The following NID1 variants were observed in gnomAD, a reference collection of about 807,000 sequenced individuals.
NID1 encodes nidogen-1.
In NID1, 76 loss-of-function variants were observed where a neutral mutation model predicts 130.6. The ratio of observed to expected loss-of-function variants is 0.58; its 90% CI spans 0.48 to 0.70. The LOEUF (loss-of-function observed/expected upper bound fraction) is 0.70. Among genes scored for constraint, NID1 ranks in the 30% least tolerant of loss-of-function variants. The pLI is 0.00. For missense variants in NID1, 1,517 were observed against 1,664.8 expected (o/e 0.91, Z 1.54); for synonymous variants, 665 against 675.1 (o/e 0.98, Z 0.23).
At chr1:236,037,415 C>T (rs917818133) in intron 5 of NID1, among the ~76,000 whole-genome samples, 15 of 152,118 alleles carry the variant, frequency 9.9e-5, no homozygotes, top group South Asian at 2.1e-4. Context: ...CCCAACATTT[C>T]GGGAGGCCGA....
intron 10 of NID1, among the ~76,000 whole-genome samples, chr1:236,015,090 G>T (rs1309537975): frequency 6.6e-6 from 1 of 152,162 alleles, no homozygotes; most frequent in Admixed American, 6.5e-5. Context: ...GCCCCTCACA[G>T]TTGGCAGAGC....
chr1:236,013,661 A>C, intron 10 of NID1, 101 bp from the exon 11 acceptor site: 7 of 1,368,212 alleles, frequency 5.1e-6, no homozygotes, highest in Middle Eastern at 2.3e-4. Context: ...CCTGGACCCT[A>C]GACCTCTAGG....
rs922110272 is a variant in NID1 at position 236,008,744 on chromosome 1, G to A, written c.2527+3177C>T. 2.0e-5 allele frequency among the ~76,000 whole-genome samples: 3 copies of A among 150,508 alleles called. No homozygotes were observed. In the Admixed American group the frequency reaches 2.0e-4, roughly 10 times the overall value. The stretch of plus-strand genomic sequence containing the variant: ...TGCAACGGCGTGATCTCGGATCACC[G>A]CAACCTCTGCCCCCCAGGTTCAAGT... On this transcript the variant is annotated intron_variant, in intron 12 of 19. Coordinates refer to ENST00000264187, the MANE Select transcript of NID1 (RefSeq NM_002508.3).
At chr1:236,010,809 G>A (rs937736174) in intron 12 of NID1, among the ~76,000 whole-genome samples, 1 of 152,200 alleles carries the variant, frequency 6.6e-6, no homozygotes, top group Non-Finnish European at 1.5e-5. Context: ...TTAGACTAAC[G>A]ATATATGCTA....
intron 12 of NID1, among the ~76,000 whole-genome samples, chr1:236,004,936 G>A (rs534470225): frequency 4.5e-4 from 69 of 152,184 alleles, no homozygotes; most frequent in African/African-American, 1.5e-3. Flanking sequence ...AACACTTTGG[G>A]AGGCTGAGGT....
intron 7 of NID1, among the ~76,000 whole-genome samples, chr1:236,028,642 C>A (rs919286798): frequency 1.1e-4 from 17 of 151,316 alleles, no homozygotes; most frequent in Non-Finnish European, 8.8e-5. Context: ...GTTTAAAGAA[C>A]GATCTATCAT....
At chr1:236,026,824 C>T (rs546083555) in intron 7 of NID1, among the ~76,000 whole-genome samples, 3 of 151,798 alleles carry the variant, frequency 2.0e-5, no homozygotes, top group South Asian at 2.1e-4. Flanking sequence ...CTGCAACCTC[C>T]GCCCCCTGGG....
chr1:236,053,628 C>T (rs1214685343), intron 1 of NID1, among the ~76,000 whole-genome samples: 1 of 152,130 alleles, frequency 6.6e-6, no homozygotes, highest in African/African-American at 2.4e-5. Context: ...TTCTTCCTGC[C>T]TATTTGTAGG....
In NID1 at chr1:235,985,504, G is replaced by A. The variant is rs1657550141; in HGVS notation, c.2930C>T (p.Ala977Val). The change falls in exon 15 of 20, where the codon GCT becomes GTT. Residue 977 changes from alanine (A) to valine (V), a missense_variant and splice_region_variant. Transcript: ENST00000264187. ...AAAGGCCAGTCCAATGATGACTTTA[G>A]CCTGGATGTGAAGACCAGTGGTTAG... ...TEAKAFLHVPAKVIIGLAFDC... is the reference protein window; with the variant it reads ...TEAKAFLHVPVKVIIGLAFDC... 4 of 1,613,974 alleles carry A rather than the reference G, an allele frequency of 2.5e-6. No individual in the cohort carries two copies. The highest frequency in any genetic ancestry group is 1.7e-5 in the Admixed American group (1 of 60,000).
intron 12 of NID1, among the ~76,000 whole-genome samples, chr1:236,001,296 G>A (rs191556763): frequency 6.4e-4 from 98 of 152,098 alleles, no homozygotes; most frequent in Admixed American, 6.0e-3. Flanking sequence ...TAGTAGAGAC[G>A]GGGTTTCATG....
At chr1:235,991,115 G>T in intron 13 of NID1, 57 bp from the exon 14 acceptor site, 2 of 1,339,680 alleles carry the variant, frequency 1.5e-6, no homozygotes, top group African/African-American at 1.9e-5. Context: ...ACACACAGAT[G>T]CACACACACA....
At chr1:236,036,640 G>T (rs1032876351) in intron 5 of NID1, among the ~76,000 whole-genome samples, 1 of 152,226 alleles carries the variant, frequency 6.6e-6, no homozygotes. Context: ...TAGAAATGGG[G>T]CCTTTCTGAG....
At chr1:236,036,743 G>A (rs1659273450) in intron 5 of NID1, among the ~76,000 whole-genome samples, 2 of 152,190 alleles carry the variant, frequency 1.3e-5, no homozygotes, top group African/African-American at 2.4e-5. Context: ...GGGACTGATG[G>A]CTTTACAGGA....
intron 15 of NID1, among the ~76,000 whole-genome samples, chr1:235,984,390 C>A (rs1035394773): frequency 6.6e-6 from 1 of 152,144 alleles, no homozygotes; most frequent in East Asian, 1.9e-4. Context: ...ATCATCTTTA[C>A]TGAAGGCAAC....
chr1:235,978,101 A>G (rs1657323489), intron 19 of NID1, 113 bp from the exon 20 acceptor site: 2 of 1,304,472 alleles, frequency 1.5e-6, no homozygotes, highest in Non-Finnish European at 2.1e-6. Flanking sequence ...CCTTGAAGCC[A>G]TGCTAGGAAG....
chr1:235,985,532 T>A, intron 14 of NID1, 27 bp from the exon 15 acceptor site: 1 of 1,613,630 alleles, frequency 6.2e-7, no homozygotes, highest in African/African-American at 1.3e-5. Flanking sequence ...GTGGTTAGAA[T>A]GGTCCATCTA....
At chr1:236,023,921 G>A in intron 9 of NID1, 149 bp downstream of exon 9, 1 of 1,023,220 alleles carries the variant, frequency 9.8e-7, no homozygotes, top group South Asian at 1.6e-5. Context: ...CAGTGAATGT[G>A]AAGCATAAAT....
intron 12 of NID1, among the ~76,000 whole-genome samples, chr1:235,994,544 C>T (rs1047851258): frequency 6.6e-6 from 1 of 152,224 alleles, no homozygotes; most frequent in African/African-American, 2.4e-5. Context: ...TGTATTAGAA[C>T]CTGCTTCATA....
rs72765422 is a variant in NID1 at position 236,003,076 on chromosome 1, G to A, written c.2527+8845C>T. Among the ~76,000 whole-genome samples, 1,175 of 147,128 alleles carry A rather than the reference G, an allele frequency of 8.0e-3. 56 individuals carry two copies. Among genetic ancestry groups the A allele is most frequent in the Middle Eastern group, 0.021 (6 of 284 alleles). ...TCACTGGTTATCACTCCTAGTGAAC[G>A]AGTGGTAGTTGTCACTCCTAGTGAA... On this transcript the variant is annotated intron_variant, in intron 12 of 19. Transcript: ENST00000264187.
Sources: gnomAD v4.1 joint callset for allele counts (sites outside exome capture counted in the v4.1 genomes callset) on GRCh38, gnomAD v4.1.1 for gene constraint, MANE v1.5 for transcripts, NCBI Gene and HGNC (gene_info 2026-07-23, HGNC 2026-07-21) for gene names.